SPIB: variants seen among roughly 807,000 people sequenced by gnomAD.
SPIB encodes the protein Spi-B transcription factor.
Under a neutral mutation model 31.9 loss-of-function variants are expected in SPIB, and 7 were observed. That is an observed-to-expected ratio of 0.22 (90% CI 0.12 to 0.41). The LOEUF is 0.41. SPIB is among the 10% of genes least tolerant of loss of function. SPIB has a pLI of 1.00. For synonymous variants in SPIB, 176 were observed against 158.9 expected (o/e 1.11, Z -0.81); for missense variants, 327 against 360.2 (o/e 0.91, Z 0.75).
Position 50,425,664 on chromosome 19 carries a change from A to G in SPIB, c.490+1909A>G, listed in dbSNP as rs551407251. On this transcript the variant is annotated intron_variant, in intron 5 of 5. Coordinates refer to ENST00000595883, the MANE Select transcript of SPIB (RefSeq NM_003121.5). ...CTATGTTGCCCAGGCTGAACTCCCA[A>G]CTCCTGAGCCTATGTGCTCCTCCCA... Among the ~76,000 whole-genome samples the G allele has an allele frequency of 5.3e-5, 8 of 151,626 alleles. No homozygotes were observed. In the South Asian group the frequency reaches 1.0e-3, roughly 20 times the overall value.
In SPIB at chr19:50,423,664, C is replaced by T. The variant is rs776379228; in HGVS notation, c.399C>T (p.Asp133=). The T allele has an allele frequency of 1.7e-5, 27 of 1,613,982 alleles. No individual in the cohort carries two copies. The South Asian group carries it at 2.5e-4, about 15-fold the overall frequency. The change falls in exon 5 of 6, where the codon GAC becomes GAT. Residue 133 remains aspartate, a synonymous_variant. Coordinates refer to ENST00000595883, the MANE Select transcript of SPIB (RefSeq NM_003121.5). ...YPSPVLSEEE[D]LPLDSPALEV... ...GCCCTGTGCTATCAGAGGAGGAAGA[C>T]TTACCGTTGGACAGCCCTGCCCTGG...
At chr19:50,421,824 A>C (rs2039499079) in intron 2 of SPIB, among the ~76,000 whole-genome samples, 1 of 152,198 alleles carries the variant, frequency 6.6e-6, no homozygotes, top group Non-Finnish European at 1.5e-5. Context: ...CATGTTGTGC[A>C]GGCTGGTCTC....
At position 50,418,954 on chromosome 19, in the gene SPIB, G is replaced by A. The variant is rs549253784; in HGVS notation, c.-9G>A. The A allele has an allele frequency of 1.7e-5, 26 of 1,553,670 alleles. No individual in the cohort carries two copies. Among genetic ancestry groups the A allele is most frequent in the South Asian group, 2.4e-5 (2 of 84,322 alleles). On this transcript the variant is annotated 5_prime_UTR_variant, in exon 1 of 6. Transcript: ENST00000595883. The surrounding 1 kb of genome is among the most constrained non-coding windows in gnomAD (Gnocchi z 6.0). ...GCAGCGGGCGGCAAACAGCCCGCCC[G>A]GCACCACCATGCTCGCCCTGGAGGC...
In SPIB at chr19:50,420,016, T is replaced by C. The variant is rs375850492; in HGVS notation, c.51+43T>C. The C allele has an allele frequency of 3.5e-6, 5 of 1,416,090 alleles. No homozygotes were observed. In the African/African-American group the frequency reaches 7.5e-5, roughly 21 times the overall value. 87.7% of individuals were successfully genotyped at this position (1,416,090 alleles called of 1,614,324 possible). On this transcript the variant is annotated intron_variant, in intron 2 of 5. Coordinates refer to ENST00000595883, the MANE Select transcript of SPIB (RefSeq NM_003121.5). ...GGGGCCAGGGAGGGGTGGCCCACAG[T>C]GACCTCCCTCAGAGAAGTCATTTGC... is the stretch of plus-strand genomic sequence containing the variant.
In SPIB at chr19:50,428,466, G is replaced by T; in HGVS notation, c.*130G>T. ...TACGCATCCCCACCTTTTGGGGTAAGGGGAGTGCTGCCCTGCCATAATCCC... is the reference window on the plus strand; with the variant it reads ...TACGCATCCCCACCTTTTGGGGTAATGGGAGTGCTGCCCTGCCATAATCCC... On this transcript the variant is annotated 3_prime_UTR_variant, in exon 6 of 6. Coordinates refer to ENST00000595883, the MANE Select transcript of SPIB (RefSeq NM_003121.5). This position sits in a 1 kb window ranked among gnomAD's most constrained non-coding sequence, Gnocchi z 6.5. The T allele has an allele frequency of 9.3e-7, 1 of 1,071,794 alleles. No individual in the cohort carries two copies. The highest frequency in any genetic ancestry group is 3.0e-5 in the Admixed American group (1 of 33,582). The allele number at this position is 1,071,794 out of a possible 1,614,324, so 66.4% of individuals were successfully genotyped here.
intron 2 of SPIB, among the ~76,000 whole-genome samples, chr19:50,420,669 C>T (rs12978475): frequency 0.09 from 13,665 of 152,208 alleles, 1,251 homozygotes; most frequent in African/African-American, 0.23. Flanking sequence ...GCTCTGTCAC[C>T]CAGGCTGGAG....
chr19:50,423,121 A>G, intron 4 of SPIB, 84 bp downstream of exon 4: 1 of 560,510 alleles, frequency 1.8e-6, no homozygotes, highest in Non-Finnish European at 3.0e-6. Context: ...TGAGAGGCTG[A>G]GGTGGGAGGA....
chr19:50,422,954 G>A lies in SPIB; in HGVS notation c.256G>A (p.Ala86Thr). The change falls in exon 4 of 6, where the codon GCA becomes ACA. Residue 86 changes from alanine (A) to threonine (T), a missense_variant. Ala to Thr is a moderately conservative substitution (Grantham distance 58). This residue lies in a region of SPIB where 238 missense variants were observed against 228.8 expected (regional missense o/e 1.04). Coordinates refer to ENST00000595883, the MANE Select transcript of SPIB (RefSeq NM_003121.5). ...LCYEPPTYSP[A>T]GNLELAPSLE... ...CTACGAACCCCCCACCTACAGCCCT[G>A]CAGGGAACCTCGAACTGGCCCCCAG... The A allele has an allele frequency of 6.3e-7, 1 of 1,591,090 alleles. No homozygotes were observed. The highest frequency in any genetic ancestry group is 8.6e-7 in the Non-Finnish European group (1 of 1,166,528).
At chr19:50,423,467 A>T in intron 4 of SPIB, 138 bp from the exon 5 acceptor site, 1 of 1,177,712 alleles carries the variant, frequency 8.5e-7, no homozygotes, top group Non-Finnish European at 1.2e-6. Context: ...CAGCGTGGTG[A>T]TCTGAACAAA....
chr19:50,425,038 G>T lies in SPIB; in HGVS notation c.490+1283G>T, dbSNP rs1036860886. Reference sequence around the variant, plus strand: ...AATTTATTTTTTGAGACAGAGTCTCGCTCTGTTACCCAGGCTGGAGTGCAG... The same window carrying T: ...AATTTATTTTTTGAGACAGAGTCTCTCTCTGTTACCCAGGCTGGAGTGCAG... On this transcript the variant is annotated intron_variant, in intron 5 of 5. Coordinates refer to ENST00000595883, the MANE Select transcript of SPIB (RefSeq NM_003121.5). Among the ~76,000 whole-genome samples, 5 of 151,800 alleles carry T rather than the reference G, an allele frequency of 3.3e-5. No individual in the cohort carries two copies. The East Asian group carries it at 5.9e-4, about 18-fold the overall frequency.
At chr19:50,419,888 T>G in intron 1 of SPIB, 58 bp from the exon 2 acceptor site, 23 of 1,513,834 alleles carry the variant, frequency 1.5e-5, no homozygotes, top group Non-Finnish European at 1.9e-5. Context: ...CCCAACCACT[T>G]TGAGATTCAG....
At chr19:50,420,002 G>T (rs752489578) in intron 2 of SPIB, 29 bp downstream of exon 2, 2 of 1,444,218 alleles carry the variant, frequency 1.4e-6, no homozygotes, top group South Asian at 3.1e-5. Flanking sequence ...GGGCCAGGGA[G>T]GGGTGGCCCA....
chr19:50,420,202 A>T (rs915311162), intron 2 of SPIB, among the ~76,000 whole-genome samples: 1 of 152,054 alleles, frequency 6.6e-6, no homozygotes, highest in African/African-American at 2.4e-5. Context: ...TGCCCATCCC[A>T]TATTCAGACA....
At chr19:50,423,578 C>T (rs776114728) in intron 4 of SPIB, 27 bp from the exon 5 acceptor site, 11 of 1,605,956 alleles carry the variant, frequency 6.8e-6, no homozygotes, top group Middle Eastern at 1.7e-4. Flanking sequence ...GGTCCCTGGA[C>T]ATGCAGGTGA....
chr19:50,428,459 G>A lies in SPIB; in HGVS notation c.*123G>A. 8.7e-7 allele frequency: 1 copy of A among 1,143,206 alleles called. No individual in the cohort carries two copies. Among genetic ancestry groups the A allele is most frequent in the Non-Finnish European group, 1.2e-6 (1 of 835,350 alleles). 70.8% of individuals were successfully genotyped at this position (1,143,206 alleles called of 1,614,324 possible). On this transcript the variant is annotated 3_prime_UTR_variant, in exon 6 of 6. Coordinates refer to ENST00000595883, the MANE Select transcript of SPIB (RefSeq NM_003121.5). This position sits in a 1 kb window ranked among gnomAD's most constrained non-coding sequence, Gnocchi z 6.5. The stretch of plus-strand genomic sequence containing the variant: ...TAGGACTTACGCATCCCCACCTTTT[G>A]GGGTAAGGGGAGTGCTGCCCTGCCA...
chr19:50,427,961 G>A, intron 5 of SPIB, 77 bp from the exon 6 acceptor site: 2 of 1,417,708 alleles, frequency 1.4e-6, no homozygotes, highest in East Asian at 2.7e-5. Flanking sequence ...CGGGGTGGAA[G>A]TCTCGGAGGA....
At position 50,429,564 on chromosome 19, in the gene SPIB, G is replaced by A. The variant is rs1296958633; in HGVS notation, c.*1228G>A. 2.0e-5 allele frequency: 3 copies of A among 152,276 alleles called. No homozygotes were observed. The highest frequency in any genetic ancestry group is 2.1e-4 in the South Asian group (1 of 4,836). The allele number at this position is 152,276 out of a possible 1,614,324, so 9.4% of individuals were successfully genotyped here. On this transcript the variant is annotated 3_prime_UTR_variant, in exon 6 of 6. Coordinates refer to ENST00000595883, the MANE Select transcript of SPIB (RefSeq NM_003121.5). ...CAAAACATAACAAAAACAATTAGCC[G>A]AGCGTGGGGGTGAACACCTGTGGTC...
chr19:50,422,988 C>A lies in SPIB; in HGVS notation c.290C>A (p.Ala97Asp). 1 of 1,566,844 alleles carries A rather than the reference C, an allele frequency of 6.4e-7. No individual in the cohort carries two copies. Among genetic ancestry groups the A allele is most frequent in the Admixed American group, 1.9e-5 (1 of 52,908 alleles). ...GNLELAPSLE[A>D]PGPGLPAYPT... is the part of the protein sequence containing the mutation. ...CTCGAACTGGCCCCCAGCCTGGAGG[C>A]CCCGGGGCCTGGCCTCCCTGCATAC... The change falls in exon 4 of 6, where the codon GCC becomes GAC. Residue 97 changes from alanine to aspartate, a missense_variant. This residue lies in a region of SPIB where 238 missense variants were observed against 228.8 expected (regional missense o/e 1.04). Transcript: ENST00000595883.
At chr19:50,423,512 C>T (rs2039526240) in intron 4 of SPIB, 93 bp from the exon 5 acceptor site, 9 of 1,518,374 alleles carry the variant, frequency 5.9e-6, no homozygotes, top group East Asian at 2.3e-5. Flanking sequence ...AGAGGGAGAC[C>T]AGAGCCAGGA....
Sources: gnomAD v4.1 joint callset for allele counts (sites outside exome capture counted in the v4.1 genomes callset) on GRCh38, gnomAD v4.1.1 for gene constraint, gnomAD v4.1.1 regional missense constraint, Gnocchi (gnomAD v3.1) non-coding constraint, MANE v1.5 for transcripts, NCBI Gene and HGNC (gene_info 2026-07-23, HGNC 2026-07-21) for gene names.